The following FGF12 variants were observed in gnomAD, a reference collection of about 807,000 sequenced individuals.
The protein encoded by FGF12 is fibroblast growth factor 12.
A neutral mutation model predicts 23.6 loss-of-function variants in FGF12; 14 were observed. That is an observed-to-expected ratio of 0.59 (90% CI 0.39 to 0.93). The LOEUF (loss-of-function observed/expected upper bound fraction) is 0.93. Ranked by LOEUF, FGF12 falls within the 40% of genes least tolerant of loss-of-function variation. The probability of loss-of-function intolerance (pLI) is 0.00; values close to 1 mark genes in which losing one functional copy is unlikely to be tolerated. For synonymous variants in FGF12, 62 were observed against 77.3 expected (o/e 0.80, Z 1.04); for missense variants, 175 against 217.8 (o/e 0.80, Z 1.24).
At chr3:192,302,105 A>G (rs1325182793) in intron 4 of FGF12, among the ~76,000 whole-genome samples, 1 of 152,222 alleles carries the variant, frequency 6.6e-6, no homozygotes, top group Non-Finnish European at 1.5e-5. Flanking sequence ...TTTGCAGAAC[A>G]ATCAAGTGAC....
chr3:192,507,888 T>C (rs1487463448), intron 2 of FGF12, among the ~76,000 whole-genome samples: 1 of 152,236 alleles, frequency 6.6e-6, no homozygotes, highest in Non-Finnish European at 1.5e-5. Flanking sequence ...TCATAATGAC[T>C]GTAACTCTGC....
intron 4 of FGF12, among the ~76,000 whole-genome samples, chr3:192,257,869 C>T (rs1216246060): frequency 6.6e-6 from 1 of 151,938 alleles, no homozygotes; most frequent in East Asian, 1.9e-4. Context: ...TATTTTTGAA[C>T]TTCGGCTTGA....
intron 2 of FGF12, among the ~76,000 whole-genome samples, chr3:192,722,195 G>A (rs538527849): frequency 6.6e-6 from 1 of 152,280 alleles, no homozygotes; most frequent in South Asian, 2.1e-4. Flanking sequence ...TTTACACCAT[G>A]ACAGGTGGAG....
At chr3:192,198,201 C>A (rs1279927676) in intron 4 of FGF12, among the ~76,000 whole-genome samples, 1 of 152,018 alleles carries the variant, frequency 6.6e-6, no homozygotes, top group African/African-American at 2.4e-5. Context: ...AAATGAATCA[C>A]ATAAATAGGA....
intron 4 of FGF12, among the ~76,000 whole-genome samples, chr3:192,209,361 G>C (rs1412825335): frequency 6.6e-6 from 1 of 152,118 alleles, no homozygotes; most frequent in Admixed American, 6.6e-5. Flanking sequence ...ATAGAAAGCT[G>C]GGTTCCTAGT....
At chr3:192,460,547 T>C (rs1722829542) in intron 2 of FGF12, among the ~76,000 whole-genome samples, 1 of 152,006 alleles carries the variant, frequency 6.6e-6, no homozygotes, top group African/African-American at 2.4e-5. Flanking sequence ...ACACGTGCTC[T>C]GCAACCAGCA....
chr3:192,650,378 T>C (rs1310236865), intron 2 of FGF12, among the ~76,000 whole-genome samples: 1 of 152,230 alleles, frequency 6.6e-6, no homozygotes, highest in South Asian at 2.1e-4. Flanking sequence ...CCTTTGCACC[T>C]GCTATTTCCA....
intron 2 of FGF12, among the ~76,000 whole-genome samples, chr3:192,557,705 G>T (rs1190515021): frequency 6.6e-6 from 1 of 151,734 alleles, no homozygotes; most frequent in East Asian, 1.9e-4. Context: ...CACACTGAAA[G>T]AATCATGTAT....
chr3:192,702,450 T>C (rs570058444), intron 2 of FGF12, among the ~76,000 whole-genome samples: 1 of 152,334 alleles, frequency 6.6e-6, no homozygotes, highest in East Asian at 1.9e-4. Context: ...AACTTTCTTA[T>C]AGCCTTCTTA....
chr3:192,641,864 AC>A lies in FGF12; in HGVS notation c.13+85316del, dbSNP rs1473418494. On this transcript the variant is annotated intron_variant, in intron 2 of 5. Transcript: ENST00000445105. The stretch of plus-strand genomic sequence containing the variant: ...CTACAGCAGCCTTCATGCTACAATG[AC>A]AGTGAGTAGTGGCAACAGAGACCAC... Among the ~76,000 whole-genome samples the A allele has an allele frequency of 2.0e-5, 3 of 152,372 alleles. No homozygotes were observed. The East Asian group carries it at 5.8e-4, about 29-fold the overall frequency.
At chr3:192,329,649 G>A (rs887587369) in intron 4 of FGF12, among the ~76,000 whole-genome samples, 70 of 152,218 alleles carry the variant, frequency 4.6e-4, no homozygotes, top group African/African-American at 1.5e-3. Flanking sequence ...ACTCCCAACC[G>A]AAATGCCTTT....
rs9822281 is a variant in FGF12, at chr3:192,553,863, G to C, written c.13+173318C>G. ...GACTCTAAGCACAGAAAAACAAAAGGGCCAGGTTGGGGACCACTGAAAACA... is the reference window on the plus strand; with the variant it reads ...GACTCTAAGCACAGAAAAACAAAAGCGCCAGGTTGGGGACCACTGAAAACA... On this transcript the variant is annotated intron_variant, in intron 2 of 5. Transcript: ENST00000445105. Among the ~76,000 whole-genome samples, 219 of 152,240 alleles carry C rather than the reference G, an allele frequency of 1.4e-3. 1 individual carries two copies. Among genetic ancestry groups the C allele is most frequent in the African/African-American group, 5.2e-3 (214 of 41,548 alleles).
chr3:192,263,460 G>C (rs1326730381), intron 4 of FGF12, among the ~76,000 whole-genome samples: 1 of 151,320 alleles, frequency 6.6e-6, no homozygotes, highest in Non-Finnish European at 1.5e-5. Context: ...ATTACAATTT[G>C]AGAAGTGCTA....
At chr3:192,332,197 A>T (rs1286441889) in intron 4 of FGF12, among the ~76,000 whole-genome samples, 1 of 152,136 alleles carries the variant, frequency 6.6e-6, no homozygotes, top group African/African-American at 2.4e-5. Flanking sequence ...ATTTACTAGC[A>T]AGAAAACACT....
In FGF12 at chr3:192,591,559, C is replaced by T. The variant is rs533515241; in HGVS notation, c.13+135622G>A. On this transcript the variant is annotated intron_variant, in intron 2 of 5. Transcript: ENST00000445105. ...CAATGGAGTTCAGGCCAAGGCCCAT[C>T]AAGCCCTTTACCTCAACAAGGCCCT... is the stretch of plus-strand genomic sequence containing the variant. 6.6e-4 allele frequency among the ~76,000 whole-genome samples: 101 copies of T among 151,940 alleles called. 1 individual carries two copies. Among genetic ancestry groups the T allele is most frequent in the Admixed American group, 2.0e-3 (30 of 15,258 alleles).
intron 2 of FGF12, among the ~76,000 whole-genome samples, chr3:192,645,767 T>TAAAAAAAA (rs55809400): frequency 2.8e-5 from 2 of 71,042 alleles, no homozygotes; most frequent in Non-Finnish European, 5.3e-5. Flanking sequence ...ACAAAACAGG[T>TAAAAAAAA]AAAAAAAAAA....
rs141858590 is a variant in FGF12 at position 192,183,072 on chromosome 3, G to A, written c.229-12416C>T. On this transcript the variant is annotated intron_variant, in intron 4 of 5. Coordinates refer to ENST00000445105, the MANE Select transcript of FGF12 (RefSeq NM_004113.6). ...TTTCTCAGTGAGGAGAGACTATAATGGTCAATGAAGGAGAAACGTGGACTG... is the reference window on the plus strand; with the variant it reads ...TTTCTCAGTGAGGAGAGACTATAATAGTCAATGAAGGAGAAACGTGGACTG... 3.3e-5 allele frequency among the ~76,000 whole-genome samples: 5 copies of A among 152,262 alleles called. No homozygotes were observed. The East Asian group carries it at 9.7e-4, about 29-fold the overall frequency.
chr3:192,248,744 C>A (rs1328723385), intron 4 of FGF12, among the ~76,000 whole-genome samples: 1 of 152,150 alleles, frequency 6.6e-6, no homozygotes, highest in Non-Finnish European at 1.5e-5. Context: ...TACACTACTG[C>A]ATTCCAGCCT....
chr3:192,365,436 G>A (rs1718934995), intron 2 of FGF12, among the ~76,000 whole-genome samples: 1 of 151,924 alleles, frequency 6.6e-6, no homozygotes, highest in African/African-American at 2.4e-5. Flanking sequence ...ATAAAGTATG[G>A]ATTTTAGTTA....
Sources: allele counts gnomAD v4.1 joint callset (sites outside exome capture counted in the v4.1 genomes callset), GRCh38; gene constraint gnomAD v4.1.1; transcripts MANE v1.5; gene names NCBI Gene and HGNC (gene_info 2026-07-23, HGNC 2026-07-21).